CEP128: variants seen among roughly 807,000 people sequenced by gnomAD.
CEP128 encodes centrosomal protein 128kDa.
In CEP128, 132 loss-of-function variants were observed where a neutral mutation model predicts 156.7. The ratio of observed to expected loss-of-function variants is 0.84; its 90% confidence interval spans 0.73 to 0.97. The LOEUF (loss-of-function observed/expected upper bound fraction) is 0.97, where lower values mean the gene tolerates loss of function less well. Ranked by LOEUF, CEP128 falls within the 50% of genes least tolerant of loss-of-function variation. The pLI is 0.00. For missense variants in CEP128, 1,252 were observed against 1,281.9 expected, an observed-to-expected ratio of 0.98 and a Z score of 0.36; for synonymous variants, 469 against 448.9, an observed-to-expected ratio of 1.04 and a Z score of -0.57.
chr14:80,896,724 T>C (rs781613930), intron 7 of CEP128, among the ~76,000 whole-genome samples: 74 of 152,216 alleles, frequency 4.9e-4, no homozygotes, highest in Non-Finnish European at 7.3e-4. Context: ...TCTCATTATC[T>C]TTTGGCTTTA....
At chr14:80,630,530 C>T (rs747076558) in intron 19 of CEP128, among the ~76,000 whole-genome samples, 1 of 151,886 alleles carries the variant, frequency 6.6e-6, no homozygotes, top group Non-Finnish European at 1.5e-5. Flanking sequence ...TAAAAAAATA[C>T]CCCAAAGTCT....
chr14:80,579,073 T>C (rs1454911885), intron 20 of CEP128, among the ~76,000 whole-genome samples: 3 of 152,172 alleles, frequency 2.0e-5, no homozygotes, highest in African/African-American at 7.2e-5. Context: ...ATTTGCACTG[T>C]GAAAGAAAAA....
intron 13 of CEP128, among the ~76,000 whole-genome samples, chr14:80,820,741 T>C (rs1885119500): frequency 6.6e-6 from 1 of 152,240 alleles, no homozygotes; most frequent in South Asian, 2.1e-4. Flanking sequence ...TTTTCTAAAT[T>C]GTACCAGTAT....
At chr14:80,503,663 A>G (rs1382017290) in intron 24 of CEP128, among the ~76,000 whole-genome samples, 1 of 152,274 alleles carries the variant, frequency 6.6e-6, no homozygotes, top group South Asian at 2.1e-4. Flanking sequence ...TTTATATTAG[A>G]AGGACTTGGA....
chr14:80,540,199 C>CT lies in CEP128; in HGVS notation c.2881-9314_2881-9313insA, dbSNP rs957069143. ...TTGTACCTACTCCCTGTTCTTACAC[C>CT]CCCCCCCCTTTTGAAACCCTTAATA... is the stretch of plus-strand genomic sequence containing the variant. On this transcript the variant is annotated intron_variant, in intron 21 of 24. Coordinates refer to ENST00000555265, the MANE Select transcript of CEP128 (RefSeq NM_152446.5). Among the ~76,000 whole-genome samples the CT allele has an allele frequency of 1.1e-4, 10 of 93,858 alleles. 1 individual carries two copies. The highest frequency in any genetic ancestry group is 2.1e-4 in the African/African-American group (4 of 18,846). 61.6% of individuals were successfully genotyped at this position (93,858 alleles called of 152,430 possible).
intron 19 of CEP128, among the ~76,000 whole-genome samples, chr14:80,601,583 T>C (rs1274071572): frequency 6.6e-6 from 1 of 152,212 alleles, no homozygotes; most frequent in African/African-American, 2.4e-5. Flanking sequence ...TATAGCCTAC[T>C]GTACAACTAG....
intron 9 of CEP128, among the ~76,000 whole-genome samples, chr14:80,859,553 TAAA>T (rs1316327764): frequency 2.0e-5 from 3 of 149,406 alleles, no homozygotes; most frequent in African/African-American, 7.6e-5. Context: ...ATAATAATAA[TAAA>T]TTAATTAATT....
intron 16 of CEP128, among the ~76,000 whole-genome samples, chr14:80,762,679 C>T (rs1351060665): frequency 6.6e-6 from 1 of 152,168 alleles, no homozygotes; most frequent in African/African-American, 2.4e-5. Flanking sequence ...CCTCATCTTC[C>T]TCCTTTCCAC....
chr14:80,568,320 G>C (rs1364599456), intron 20 of CEP128, among the ~76,000 whole-genome samples: 1 of 152,144 alleles, frequency 6.6e-6, no homozygotes, highest in Non-Finnish European at 1.5e-5. Context: ...GCACTGGATT[G>C]TTAACTATCA....
downstream of CEP128, among the ~76,000 whole-genome samples, chr14:80,486,906 G>A (rs918773702): frequency 7.9e-5 from 12 of 152,092 alleles, no homozygotes; most frequent in East Asian, 1.2e-3. Flanking sequence ...AACCGGTACC[G>A]GCCACTGCAA....
intron 2 of CEP128, among the ~76,000 whole-genome samples, chr14:80,927,546 A>G (rs937614885): frequency 1.1e-4 from 16 of 152,198 alleles, no homozygotes; most frequent in African/African-American, 2.9e-4. Context: ...TACATGCATG[A>G]AAAGAGGTGC....
At chr14:80,878,214 G>T (rs550342315) in intron 8 of CEP128, among the ~76,000 whole-genome samples, 1 of 152,232 alleles carries the variant, frequency 6.6e-6, no homozygotes, top group South Asian at 2.1e-4. Context: ...ACTGACTCAC[G>T]TAGCTGCACT....
chr14:80,787,943 A>C (rs1208213664), intron 14 of CEP128, among the ~76,000 whole-genome samples: 1 of 152,158 alleles, frequency 6.6e-6, no homozygotes, highest in Admixed American at 6.6e-5. Flanking sequence ...GCTACTCTAT[A>C]ACTCTCCATC....
intron 2 of CEP128, among the ~76,000 whole-genome samples, chr14:80,937,243 C>T (rs191161410): frequency 6.6e-6 from 1 of 152,104 alleles, no homozygotes; most frequent in East Asian, 1.9e-4. Flanking sequence ...ATTTCTCAAA[C>T]CTGGGAGGTA....
At chr14:80,897,729 C>T (rs552602599) in intron 7 of CEP128, among the ~76,000 whole-genome samples, 18 of 152,270 alleles carry the variant, frequency 1.2e-4, no homozygotes, top group African/African-American at 4.3e-4. Context: ...GTCAGGCCAT[C>T]ATCAACTCTC....
At chr14:80,921,377 C>T (rs960710751) in intron 2 of CEP128, among the ~76,000 whole-genome samples, 4 of 152,068 alleles carry the variant, frequency 2.6e-5, no homozygotes, top group Admixed American at 1.3e-4. Flanking sequence ...ATGCTTGGCC[C>T]CCTCACCAGG....
chr14:80,708,277 C>T (rs974955889), intron 19 of CEP128, among the ~76,000 whole-genome samples: 4 of 152,128 alleles, frequency 2.6e-5, no homozygotes, highest in African/African-American at 9.7e-5. Context: ...TGAAAATTAA[C>T]TAGATTCTGA....
chr14:80,478,258 C>T (rs1411513024), exon 15 of CEP128: 2 of 152,092 alleles, frequency 1.3e-5, no homozygotes, highest in African/African-American at 4.8e-5. Context: ...TCCCACCTGG[C>T]TGCTCTTTGT....
intron 2 of CEP128, among the ~76,000 whole-genome samples, chr14:80,923,550 G>A (rs1884991188): frequency 6.6e-6 from 1 of 152,174 alleles, no homozygotes; most frequent in Non-Finnish European, 1.5e-5. Flanking sequence ...CCCAGCATCA[G>A]GGGTGATATT....
Sources: allele counts gnomAD v4.1 joint callset (sites outside exome capture counted in the v4.1 genomes callset), GRCh38; gene constraint gnomAD v4.1.1; transcripts MANE v1.5; gene names NCBI Gene and HGNC (gene_info 2026-07-23, HGNC 2026-07-21).